The following DMD variants were observed in gnomAD, a reference collection of about 807,000 sequenced individuals.
The protein encoded by DMD is dystrophin, also known as mutant dystrophin.
DMD carries 63 observed loss-of-function variants against 330.1 expected under a neutral mutation model. The ratio of observed to expected loss-of-function variants is 0.19; its 90% confidence interval spans 0.16 to 0.24. The LOEUF (loss-of-function observed/expected upper bound fraction) is 0.24. DMD is among the 10% of genes least tolerant of loss of function. The probability of loss-of-function intolerance (pLI) is 1.00; values close to 1 mark genes in which losing one functional copy is unlikely to be tolerated. For missense variants in DMD, 3,344 were observed against 2,684.1 expected (o/e 1.25, Z -5.43); for synonymous variants, 1,223 against 959.8 (o/e 1.27, Z -5.07).
chrX:33,231,681 C>T (rs2052390243), intron 1 of DMD, among the ~76,000 whole-genome samples: 1 of 111,410 alleles, frequency 9.0e-6, no homozygotes, highest in East Asian at 2.8e-4. Flanking sequence ...TGTGATATAC[C>T]TTTCCCAGCC....
intron 1 of DMD, among the ~76,000 whole-genome samples, chrX:33,266,269 G>T (rs1478552023): frequency 8.9e-6 from 1 of 111,797 alleles, no homozygotes; most frequent in African/African-American, 3.2e-5. Flanking sequence ...GGTAGAAAAA[G>T]TAAAGAGTCT....
chrX:33,286,657 T>C (rs763567966), intron 1 of DMD, among the ~76,000 whole-genome samples: 1 of 112,111 alleles, frequency 8.9e-6, no homozygotes, highest in East Asian at 2.8e-4. Context: ...TGTATGTGTG[T>C]ATGTTCTTTA....
intron 7 of DMD, among the ~76,000 whole-genome samples, chrX:32,763,349 T>C (rs1287645275): frequency 8.9e-6 from 1 of 112,205 alleles, no homozygotes; most frequent in African/African-American, 3.2e-5. Flanking sequence ...AAAATATTTA[T>C]AGTTATGTTT....
chrX:32,855,129 C>T (rs1173008585), intron 2 of DMD, among the ~76,000 whole-genome samples: 1 of 111,626 alleles, frequency 9.0e-6, no homozygotes, highest in African/African-American at 3.3e-5. Context: ...TTCAACATGC[C>T]TTCATGATAA....
intron 2 of DMD, among the ~76,000 whole-genome samples, chrX:32,898,495 C>T (rs1177950589): frequency 8.9e-6 from 1 of 112,322 alleles, no homozygotes; most frequent in Non-Finnish European, 1.9e-5. Flanking sequence ...AGGGACAACT[C>T]ATAGGCAGTG....
chrX:33,282,774 T>A (rs1255256331), intron 1 of DMD, among the ~76,000 whole-genome samples: 3 of 111,942 alleles, frequency 2.7e-5, no homozygotes, highest in African/African-American at 6.5e-5. Context: ...AGACTCCTAT[T>A]CAATTCAGAG....
intron 7 of DMD, among the ~76,000 whole-genome samples, chrX:32,801,285 A>G (rs1297425580): frequency 9.0e-6 from 1 of 111,630 alleles, no homozygotes; most frequent in Non-Finnish European, 1.9e-5. Flanking sequence ...GTGATGATGA[A>G]CTTTTTTTTC....
At chrX:33,009,019 T>G (rs2093484289) in intron 2 of DMD, among the ~76,000 whole-genome samples, 1 of 98,729 alleles carries the variant, frequency 1.0e-5, no homozygotes, top group African/African-American at 3.6e-5. Flanking sequence ...CATACACACG[T>G]ATATATACAC....
intron 3 of DMD, among the ~76,000 whole-genome samples, chrX:32,845,164 C>T (rs1266829626): frequency 3.6e-5 from 4 of 111,873 alleles, no homozygotes; most frequent in African/African-American, 1.3e-4. Flanking sequence ...ACAGAAACAT[C>T]AGCATGCATA....
chrX:32,206,205 G>C (rs149422354), intron 44 of DMD: 11,679 of 510,048 alleles, frequency 0.023, 835 homozygotes, highest in African/African-American at 0.22. Context: ...GTGTGGTTCA[G>C]GGCCAGTGCA....
rs1016858416 is a variant in DMD, at chrX:33,084,474, C to G, written c.32-64274G>C. ...AGTTTTTAAGGATAACTTGGTGGGT[C>G]GGGGGAAGCCAGTGAGCCAGGAGTG... On this transcript the variant is annotated intron_variant, in intron 1 of 78. Transcript: ENST00000357033. Among the ~76,000 whole-genome samples the G allele has an allele frequency of 2.8e-3, 317 of 111,564 alleles. 2 individuals carry two copies. Among genetic ancestry groups the G allele is most frequent in the African/African-American group, 9.8e-3 (301 of 30,726 alleles).
chrX:31,826,522 T>C (rs1040377699), intron 49 of DMD, among the ~76,000 whole-genome samples: 1 of 112,113 alleles, frequency 8.9e-6, no homozygotes, highest in Admixed American at 9.5e-5. Flanking sequence ...TCTCTGGCAT[T>C]TGCCCATATT....
chrX:31,791,250 T>C (rs2091555913), intron 50 of DMD, among the ~76,000 whole-genome samples: 1 of 112,450 alleles, frequency 8.9e-6, no homozygotes, highest in African/African-American at 3.2e-5. Context: ...GGTTGTGGCA[T>C]AGATATAAAA....
chrX:32,354,479 A>T (rs1458589624), intron 37 of DMD, among the ~76,000 whole-genome samples: 1 of 111,678 alleles, frequency 9.0e-6, no homozygotes, highest in Non-Finnish European at 1.9e-5. Flanking sequence ...AGAGGAAAAG[A>T]ACTTACAAAA....
At chrX:33,255,959 T>A (rs1040360981) in intron 1 of DMD, among the ~76,000 whole-genome samples, 3 of 111,532 alleles carry the variant, frequency 2.7e-5, no homozygotes, top group African/African-American at 9.7e-5. Flanking sequence ...TCACAACTTG[T>A]GTAGGAGTCT....
intron 11 of DMD, among the ~76,000 whole-genome samples, chrX:32,620,743 C>T (rs952443265): frequency 9.0e-6 from 1 of 111,646 alleles, no homozygotes; most frequent in African/African-American, 3.3e-5. Flanking sequence ...AAATACCTAT[C>T]TTCAATTTCA....
chrX:33,199,395 A>T (rs112277190), intron 1 of DMD, among the ~76,000 whole-genome samples: 2,318 of 111,377 alleles, frequency 0.021, 59 homozygotes, highest in African/African-American at 0.071. Context: ...AGGATGAGAT[A>T]TGTTTCTGGC....
In DMD at chrX:32,984,130, C is replaced by T. The variant is rs183521158; in HGVS notation, c.93+36009G>A. Among the ~76,000 whole-genome samples, 653 of 111,640 alleles carry T rather than the reference C, an allele frequency of 5.8e-3. 4 individuals carry two copies. Among genetic ancestry groups the T allele is most frequent in the African/African-American group, 0.02 (624 of 30,751 alleles). ...ATTAATACACATAGTTCATAACACC[C>T]ATTTAAAATTGGTAATGTGTTTATA... On this transcript the variant is annotated intron_variant, in intron 2 of 78. Transcript: ENST00000357033.
At chrX:32,578,516 A>G (rs1366689883) in intron 13 of DMD, among the ~76,000 whole-genome samples, 1 of 111,867 alleles carries the variant, frequency 8.9e-6, no homozygotes, top group Non-Finnish European at 1.9e-5. Context: ...TTTAATTCAC[A>G]TGTCATATTG....
Sources: allele counts gnomAD v4.1 joint callset (sites outside exome capture counted in the v4.1 genomes callset), GRCh38; gene constraint gnomAD v4.1.1; transcripts MANE v1.5; gene names NCBI Gene and HGNC (gene_info 2026-07-23, HGNC 2026-07-21).